Variants in RIMKLB observed in about 807,000 individuals in gnomAD.
RIMKLB encodes ribosomal modification protein rimK like family member B.
In RIMKLB, 7 loss-of-function variants were observed where a neutral mutation model predicts 32.0. The ratio of observed to expected loss-of-function variants is 0.22; its 90% CI spans 0.12 to 0.41. The LOEUF is 0.41. RIMKLB is among the 10% of genes least tolerant of loss of function. The probability of loss-of-function intolerance (pLI) is 1.00; values close to 1 mark genes in which losing one functional copy is unlikely to be tolerated. For missense variants in RIMKLB, 289 were observed against 498.7 expected, an observed-to-expected ratio of 0.58 and a Z score of 4.00; for synonymous variants, 172 against 185.1, an observed-to-expected ratio of 0.93 and a Z score of 0.57.
At chr12:8,765,578 T>C (rs899391614) in intron 5 of RIMKLB, among the ~76,000 whole-genome samples, 1 of 152,190 alleles carries the variant, frequency 6.6e-6, no homozygotes, top group African/African-American at 2.4e-5. Context: ...ATCTGATAAT[T>C]TGCCCCGGTC....
chr12:8,782,057 A>G (rs1951101811), downstream of RIMKLB, among the ~76,000 whole-genome samples: 1 of 148,402 alleles, frequency 6.7e-6, no homozygotes, highest in Non-Finnish European at 1.5e-5. Context: ...CTCTTTCTCT[A>G]CTGTACTTGA....
At chr12:8,711,400 G>GA (rs148274515) in intron 1 of RIMKLB, among the ~76,000 whole-genome samples, 41 of 149,060 alleles carry the variant, frequency 2.8e-4, no homozygotes, top group African/African-American at 4.2e-4. Flanking sequence ...GTCTCAGAAA[G>GA]AAAAAAAAAA....
At chr12:8,735,888 G>A (rs938664501) in intron 2 of RIMKLB, among the ~76,000 whole-genome samples, 1 of 151,678 alleles carries the variant, frequency 6.6e-6, no homozygotes, top group East Asian at 1.9e-4. Flanking sequence ...GCACTGCCAC[G>A]CCCCGCTAAT....
At chr12:8,763,403 T>C (rs1949696688) in intron 5 of RIMKLB, among the ~76,000 whole-genome samples, 1 of 152,212 alleles carries the variant, frequency 6.6e-6, no homozygotes, top group Admixed American at 6.5e-5. Context: ...TCTGACTAAA[T>C]GGGTATTGGC....
At chr12:8,694,163 G>A (rs181293734), upstream of RIMKLB, among the ~76,000 whole-genome samples, 48 of 151,976 alleles carry the variant, frequency 3.2e-4, no homozygotes, top group African/African-American at 1.0e-3. Context: ...AACCTGGGAG[G>A]TGGAGGTTGC....
intron 2 of RIMKLB, among the ~76,000 whole-genome samples, chr12:8,747,848 C>T (rs1350926503): frequency 2.0e-5 from 3 of 151,920 alleles, no homozygotes; most frequent in African/African-American, 4.8e-5. Context: ...CTCCGCCTCC[C>T]GAGTTGAAGC....
intron 1 of RIMKLB, among the ~76,000 whole-genome samples, chr12:8,710,025 T>G (rs1944230848): frequency 1.3e-5 from 2 of 152,114 alleles, no homozygotes; most frequent in South Asian, 4.1e-4. Context: ...GTCTTGCTGT[T>G]TTCCAGGCTG....
chr12:8,714,053 T>TA lies in RIMKLB; in HGVS notation c.175+13dup. ...GCAAGGAAACCTGGGTAAGTCTGTA[T>TA]ACTAAGTGATCTTTTGGATTTTTAC... On this transcript the variant is annotated intron_variant, in intron 2 of 5. Transcript: ENST00000535829. 2 of 1,610,910 alleles carry TA rather than the reference T, an allele frequency of 1.2e-6. No individual in the cohort carries two copies. The highest frequency in any genetic ancestry group is 1.7e-6 in the Non-Finnish European group (2 of 1,177,368).
intron 2 of RIMKLB, among the ~76,000 whole-genome samples, chr12:8,728,767 G>T (rs1321605361): frequency 2.1e-5 from 3 of 139,984 alleles, no homozygotes; most frequent in African/African-American, 9.7e-5. Flanking sequence ...TGCTAATTGT[G>T]TGTGTGTGTG....
intron 5 of RIMKLB, among the ~76,000 whole-genome samples, chr12:8,756,793 G>T (rs915693976): frequency 7.1e-6 from 1 of 140,440 alleles, no homozygotes; most frequent in Non-Finnish European, 1.5e-5. Flanking sequence ...CCAGGTTCAA[G>T]CAATTCTCGT....
upstream of RIMKLB, among the ~76,000 whole-genome samples, chr12:8,676,721 A>G (rs556181257): frequency 2.0e-5 from 3 of 151,958 alleles, no homozygotes; most frequent in Non-Finnish European, 4.4e-5. Flanking sequence ...AATTATATTT[A>G]TTTTTACATA....
chr12:8,690,527 C>T (rs939276748), intron 1 of RIMKLB, among the ~76,000 whole-genome samples: 1 of 152,200 alleles, frequency 6.6e-6, no homozygotes. Context: ...AGAGCATGTA[C>T]TTTGCTACTC....
At chr12:8,772,643 A>G (rs982666845) in intron 5 of RIMKLB, among the ~76,000 whole-genome samples, 2 of 152,204 alleles carry the variant, frequency 1.3e-5, no homozygotes, top group Admixed American at 1.3e-4. Flanking sequence ...TTTGGGGTCA[A>G]ACACTACGGG....
chr12:8,684,291 G>A (rs1227784128), intron 1 of RIMKLB, among the ~76,000 whole-genome samples: 1 of 151,212 alleles, frequency 6.6e-6, no homozygotes, highest in African/African-American at 2.4e-5. Context: ...TCCTTCCTCA[G>A]CCTCCCGAGT....
rs991375279 is a variant in RIMKLB, at chr12:8,698,206, C to T, written c.-148C>T. ...CGACCCCCTCCCCCTCCTCTCCTTC[C>T]CCCACTTCCAGCCGCCCGGCGGCCC... On this transcript the variant is annotated 5_prime_UTR_variant, in exon 1 of 6. Coordinates refer to ENST00000535829, the MANE Select transcript of RIMKLB (RefSeq NM_001297776.2). 58 of 370,304 alleles carry T rather than the reference C, an allele frequency of 1.6e-4. No individual in the cohort carries two copies. Among genetic ancestry groups the T allele is most frequent in the Non-Finnish European group, 3.2e-4 (58 of 182,122 alleles). The allele number at this position is 370,304 out of a possible 1,614,324, so 22.9% of individuals were successfully genotyped here.
intron 5 of RIMKLB, 95 bp from the exon 6 acceptor site, chr12:8,773,226 T>C: frequency 2.4e-6 from 2 of 835,208 alleles, no homozygotes; most frequent in Non-Finnish European, 3.9e-6. Flanking sequence ...TTTTCACTAT[T>C]AATTTAGAAG....
At chr12:8,697,747 G>T (rs771883596), upstream of RIMKLB, 4 of 219,412 alleles carry the variant, frequency 1.8e-5, no homozygotes, top group South Asian at 1.5e-4. Flanking sequence ...TCGGGTGCGG[G>T]CGAGGAGCTG....
At chr12:8,717,393 T>A (rs1944968487) in intron 2 of RIMKLB, among the ~76,000 whole-genome samples, 1 of 152,222 alleles carries the variant, frequency 6.6e-6, no homozygotes, top group African/African-American at 2.4e-5. Flanking sequence ...AGGGTATAGT[T>A]GTAAATGAGT....
At chr12:8,700,216 A>G (rs1311711216) in intron 1 of RIMKLB, 4 of 152,230 alleles carry the variant, frequency 2.6e-5, no homozygotes, top group East Asian at 1.9e-4. Flanking sequence ...GAAACACACT[A>G]AAGTGGACAT....
Sources: gnomAD v4.1 joint callset for allele counts (sites outside exome capture counted in the v4.1 genomes callset) on GRCh38, gnomAD v4.1.1 for gene constraint, MANE v1.5 for transcripts, NCBI Gene and HGNC (gene_info 2026-07-23, HGNC 2026-07-21) for gene names.